Variants in PHACTR1 observed in about 807,000 individuals in gnomAD.
PHACTR1 encodes the protein RPEL repeat containing 1.
In PHACTR1, 16 loss-of-function variants were observed where a neutral mutation model predicts 69.2. The observed-to-expected ratio is 0.23, with a 90% CI of 0.16 to 0.35. The LOEUF (loss-of-function observed/expected upper bound fraction) is 0.35. Ranked by LOEUF, PHACTR1 falls within the 10% of genes least tolerant of loss-of-function variation. PHACTR1 has a pLI of 1.00. For missense variants in PHACTR1, 510 were observed against 734.7 expected (o/e 0.69, Z 3.54); for synonymous variants, 312 against 284.5 (o/e 1.10, Z -0.97).
intron 4 of PHACTR1, among the ~76,000 whole-genome samples, chr6:12,910,001 G>A (rs933694528): frequency 4.6e-5 from 7 of 152,292 alleles, no homozygotes; most frequent in South Asian, 2.1e-4. Flanking sequence ...CGCAGCCTTC[G>A]CCTGGTGGTG....
intron 4 of PHACTR1, among the ~76,000 whole-genome samples, chr6:12,881,751 A>G (rs1783117902): frequency 6.6e-6 from 1 of 152,166 alleles, no homozygotes; most frequent in Non-Finnish European, 1.5e-5. Flanking sequence ...GTCCTAAGTA[A>G]ATGGTACTAA....
chr6:13,072,292 A>G (rs938054791), intron 5 of PHACTR1, among the ~76,000 whole-genome samples: 3 of 152,346 alleles, frequency 2.0e-5, no homozygotes, highest in African/African-American at 7.2e-5. Flanking sequence ...TCAGTCATTT[A>G]ACTTGTTTGT....
At chr6:13,113,377 G>T (rs185443077) in intron 5 of PHACTR1, among the ~76,000 whole-genome samples, 171 of 152,202 alleles carry the variant, frequency 1.1e-3, no homozygotes, top group South Asian at 2.9e-3. Flanking sequence ...AGTTTTACCA[G>T]ACTTCCAAGA....
chr6:12,907,661 G>A (rs919042878), intron 4 of PHACTR1, among the ~76,000 whole-genome samples: 1 of 152,236 alleles, frequency 6.6e-6, no homozygotes, highest in Non-Finnish European at 1.5e-5. Context: ...AGAAGAAGGA[G>A]TGGGTACTAA....
intron 10 of PHACTR1, among the ~76,000 whole-genome samples, chr6:13,260,994 G>C (rs1775832775): frequency 6.6e-6 from 1 of 152,188 alleles, no homozygotes; most frequent in Admixed American, 6.5e-5. Flanking sequence ...AAGATGTTTA[G>C]CACCCTGGCC....
At chr6:13,196,915 A>G (rs1033824720) in intron 7 of PHACTR1, among the ~76,000 whole-genome samples, 3 of 152,202 alleles carry the variant, frequency 2.0e-5, no homozygotes, top group Admixed American at 6.5e-5. Context: ...TCCACTGCTT[A>G]CTTATGATAG....
chr6:12,883,690 C>T (rs966970842), intron 4 of PHACTR1, among the ~76,000 whole-genome samples: 4 of 152,192 alleles, frequency 2.6e-5, no homozygotes, highest in Admixed American at 6.5e-5. Context: ...CTTCTCCCTG[C>T]GGGTCTGAGA....
At chr6:12,933,862 G>A (rs1324838094) in intron 4 of PHACTR1, 2 of 1,612,550 alleles carry the variant, frequency 1.2e-6, no homozygotes, top group African/African-American at 2.7e-5. Flanking sequence ...GGGTGGTTTG[G>A]CTGCCTTTAG....
intron 4 of PHACTR1, among the ~76,000 whole-genome samples, chr6:13,019,928 T>C (rs965371328): frequency 6.6e-6 from 1 of 152,012 alleles, no homozygotes; most frequent in Non-Finnish European, 1.5e-5. Context: ...GCCTGAAGGG[T>C]GGTAGTCCAT....
chr6:13,081,841 CAAGA>C lies in PHACTR1; in HGVS notation c.415+28314_415+28317del, dbSNP rs541541979. Among the ~76,000 whole-genome samples, 8 of 152,220 alleles carry C rather than the reference CAAGA, an allele frequency of 5.3e-5. No homozygotes were observed. The South Asian group carries it at 6.2e-4, about 12-fold the overall frequency. Reference sequence around the variant, plus strand: ...GACCCTGTCTCTAAAACAATAAAAACAAGAAGTCAAAGGGAAGCGTGGTTTGTCC... The same window carrying C: ...GACCCTGTCTCTAAAACAATAAAAACAGTCAAAGGGAAGCGTGGTTTGTCC... On this transcript the variant is annotated intron_variant, in intron 5 of 14. Coordinates refer to ENST00000332995, the MANE Select transcript of PHACTR1 (RefSeq NM_030948.6).
chr6:12,848,489 C>T (rs1358821521), intron 4 of PHACTR1, among the ~76,000 whole-genome samples: 2 of 152,032 alleles, frequency 1.3e-5, no homozygotes, highest in African/African-American at 4.8e-5. Context: ...TAATGTAACT[C>T]GTAGAGACTT....
chr6:13,176,158 G>A (rs1211741438), intron 6 of PHACTR1, among the ~76,000 whole-genome samples: 1 of 152,176 alleles, frequency 6.6e-6, no homozygotes, highest in African/African-American at 2.4e-5. Flanking sequence ...GTGTAACATG[G>A]CAGCATGCAA....
chr6:13,245,699 GCTTTTGGCAT>G lies in PHACTR1; in HGVS notation c.1391+15510_1391+15519del, dbSNP rs1203874806. ...GTCAATTTTTTTTTTCGTTGCAATTGCTTTTGGCATCTTCATGAAATCTTTGCCAGGTCTT... is the reference window on the plus strand; with the variant it reads ...GTCAATTTTTTTTTTCGTTGCAATTGCTTCATGAAATCTTTGCCAGGTCTT... On this transcript the variant is annotated intron_variant, in intron 10 of 14. Coordinates refer to ENST00000332995, the MANE Select transcript of PHACTR1 (RefSeq NM_030948.6). This position sits in a 1 kb window ranked among gnomAD's most constrained non-coding sequence, Gnocchi z 4.1. Among the ~76,000 whole-genome samples the G allele has an allele frequency of 6.6e-6, 1 of 151,700 alleles. No homozygotes were observed. Among genetic ancestry groups the G allele is most frequent in the Non-Finnish European group, 1.5e-5 (1 of 67,932 alleles).
At chr6:13,125,230 T>A (rs896678008) in intron 5 of PHACTR1, among the ~76,000 whole-genome samples, 2 of 152,234 alleles carry the variant, frequency 1.3e-5, no homozygotes, top group Non-Finnish European at 2.9e-5. Context: ...TCAACTGTAA[T>A]AATTTCCTGC....
chr6:13,205,900 C>T lies in PHACTR1; in HGVS notation c.750C>T (p.Pro250=), dbSNP rs80070708. The T allele has an allele frequency of 2.3e-4, 372 of 1,613,652 alleles. 1 individual carries two copies. The East Asian group carries it at 7.1e-3, about 31-fold the overall frequency. ...CAAAGAAAGTCATGATCTGTATGCC[C>T]GTGGGGGGGCCAGACCTCTCACTGG... The part of the protein sequence containing the change: ...LPPKKVMICM[P]VGGPDLSLVS... Residue 250 remains proline (P), a synonymous_variant, in exon 8 of 15, where the codon CCC becomes CCT. Coordinates refer to ENST00000332995, the MANE Select transcript of PHACTR1 (RefSeq NM_030948.6).
chr6:12,804,791 C>T (rs963028650), intron 4 of PHACTR1, among the ~76,000 whole-genome samples: 3 of 151,936 alleles, frequency 2.0e-5, no homozygotes, highest in Non-Finnish European at 4.4e-5. Context: ...AGAGTGGCAC[C>T]CTGTTTCAAA....
At chr6:13,211,071 T>A (rs1766760692) in intron 8 of PHACTR1, among the ~76,000 whole-genome samples, 1 of 152,198 alleles carries the variant, frequency 6.6e-6, no homozygotes, top group Non-Finnish European at 1.5e-5. Context: ...AAGAGTTGAA[T>A]TCATGATTAT....
At chr6:12,890,406 A>G (rs1473764133) in intron 4 of PHACTR1, among the ~76,000 whole-genome samples, 2 of 152,116 alleles carry the variant, frequency 1.3e-5, no homozygotes, top group African/African-American at 2.4e-5. Context: ...AAGGCGGACT[A>G]TGAGCCTCCT....
chr6:13,077,313 T>C (rs1278551520), intron 5 of PHACTR1, among the ~76,000 whole-genome samples: 1 of 152,142 alleles, frequency 6.6e-6, no homozygotes, highest in African/African-American at 2.4e-5. Context: ...ACAGGGAAGT[T>C]TGATAACTTG....
Sources: allele counts gnomAD v4.1 joint callset (sites outside exome capture counted in the v4.1 genomes callset), GRCh38; gene constraint gnomAD v4.1.1; non-coding constraint Gnocchi (gnomAD v3.1); transcripts MANE v1.5; gene names NCBI Gene and HGNC (gene_info 2026-07-23, HGNC 2026-07-21).